Variants in SHC2 observed in about 807,000 individuals in gnomAD.
The protein encoded by SHC2 is SHC adaptor protein 2, also known as SHC-transforming protein 2.
A neutral mutation model predicts 60.6 loss-of-function variants in SHC2; 62 were observed. The observed-to-expected ratio is 1.02, with a 90% CI of 0.83 to 1.26. The LOEUF is 1.26. SHC2 is among the 50% of genes most tolerant of loss of function. The pLI is 0.00. For synonymous variants in SHC2, 375 were observed against 372.4 expected (o/e 1.01, Z -0.08); for missense variants, 873 against 822.2 (o/e 1.06, Z -0.76).
At chr19:426,381 G>A (rs1428999403) in intron 9 of SHC2, among the ~76,000 whole-genome samples, 1 of 147,702 alleles carries the variant, frequency 6.8e-6, no homozygotes, top group Non-Finnish European at 1.5e-5. Context: ...TCCGGGGAGG[G>A]AGGACGACAC....
At chr19:429,218 CCT>C (rs1286122223) in intron 9 of SHC2, among the ~76,000 whole-genome samples, 2 of 148,890 alleles carry the variant, frequency 1.3e-5, no homozygotes, top group Non-Finnish European at 3.0e-5. Flanking sequence ...TGCAGAGAAA[CCT>C]AATACCGTGT....
At position 425,274 on chromosome 19, in the gene SHC2, G is replaced by C; in HGVS notation, c.1175-43C>G. The C allele has an allele frequency of 1.5e-6, 2 of 1,307,078 alleles. No individual in the cohort carries two copies. The highest frequency in any genetic ancestry group is 2.0e-6 in the Non-Finnish European group (2 of 1,020,236). The allele number at this position is 1,307,078 out of a possible 1,614,324, so 81.0% of individuals were successfully genotyped here. ...GGGCAGGGGGTCAGCTGGGAGCCAGGCGAGGGGCTCGCAGGGAGCAAGGCG... is the reference window on the plus strand; with the variant it reads ...GGGCAGGGGGTCAGCTGGGAGCCAGCCGAGGGGCTCGCAGGGAGCAAGGCG... On this transcript the variant is annotated intron_variant, in intron 9 of 12. Coordinates refer to ENST00000264554, the MANE Select transcript of SHC2 (RefSeq NM_012435.3). This position sits in a 1 kb window ranked among gnomAD's most constrained non-coding sequence, Gnocchi z 4.1.
chr19:430,870 C>T, intron 8 of SHC2, 123 bp from the exon 9 acceptor site: 1 of 836,936 alleles, frequency 1.2e-6, no homozygotes. Flanking sequence ...GAGCACAGCC[C>T]TGGCCCTCCC....
At chr19:421,958 G>A (rs1054283400) in intron 11 of SHC2, among the ~76,000 whole-genome samples, 188 bp downstream of exon 11, 7 of 152,142 alleles carry the variant, frequency 4.6e-5, no homozygotes, top group African/African-American at 1.4e-4. Flanking sequence ...CTGGTCAAAG[G>A]CAACATCTGG....
chr19:425,305 C>T lies in SHC2; in HGVS notation c.1175-74G>A, dbSNP rs62102119. 0.11 allele frequency: 126,781 copies of T among 1,203,212 alleles called. 7,143 individuals are homozygous for T. Among genetic ancestry groups the T allele is most frequent in the Non-Finnish European group, 0.11 (108,430 of 945,568 alleles). 74.5% of individuals were successfully genotyped at this position (1,203,212 alleles called of 1,614,324 possible). ...GGCTCGCAGGGAGCAAGGCGGGGTC[C>T]CACGAGGAGCTCCCCCGGCCACCAC... On this transcript the variant is annotated intron_variant, in intron 9 of 12. Transcript: ENST00000264554. The surrounding 1 kb of genome is among the most constrained non-coding windows in gnomAD (Gnocchi z 4.1).
Position 440,594 on chromosome 19 carries a change from C to T in SHC2, c.539+268G>A, listed in dbSNP as rs951099948. Among the ~76,000 whole-genome samples, 15 of 152,218 alleles carry T rather than the reference C, an allele frequency of 9.9e-5. No homozygotes were observed. The highest frequency in any genetic ancestry group is 4.6e-4 in the Admixed American group (7 of 15,286). ...ACCCGCCAGGCCCTGCACCCCACGCCGTGCGGGGACTTGCCCAGCACCCTG... is the reference window on the plus strand; with the variant it reads ...ACCCGCCAGGCCCTGCACCCCACGCTGTGCGGGGACTTGCCCAGCACCCTG... On this transcript the variant is annotated intron_variant, in intron 2 of 12. Coordinates refer to ENST00000264554, the MANE Select transcript of SHC2 (RefSeq NM_012435.3). This position sits in a 1 kb window ranked among gnomAD's most constrained non-coding sequence, Gnocchi z 7.0.
chr19:420,566 G>A (rs1052191050), intron 11 of SHC2, among the ~76,000 whole-genome samples: 1 of 152,212 alleles, frequency 6.6e-6, no homozygotes, highest in Non-Finnish European at 1.5e-5. Context: ...TTTAGAAGCT[G>A]GAGATTACTA....
chr19:455,256 C>CGA (rs1975310641), intron 1 of SHC2, among the ~76,000 whole-genome samples: 1 of 152,170 alleles, frequency 6.6e-6, no homozygotes, highest in African/African-American at 2.4e-5. Flanking sequence ...CCAGCAGCTC[C>CGA]GAGTCAGGTC....
At chr19:443,931 T>C (rs1291710730) in intron 1 of SHC2, among the ~76,000 whole-genome samples, 1 of 133,336 alleles carries the variant, frequency 7.5e-6, no homozygotes, top group Non-Finnish European at 1.6e-5. Flanking sequence ...GATGGATGGA[T>C]GGACGGGTGA....
chr19:448,182 C>T (rs1380600206), intron 1 of SHC2, among the ~76,000 whole-genome samples: 1 of 152,234 alleles, frequency 6.6e-6, no homozygotes, highest in Admixed American at 6.5e-5. Flanking sequence ...ATAAACAGAG[C>T]TTTACGGGGG....
intron 9 of SHC2, among the ~76,000 whole-genome samples, chr19:426,427 C>CTA: frequency 1.4e-4 from 15 of 109,000 alleles, no homozygotes; most frequent in African/African-American, 5.6e-4. Context: ...AGGACGACAC[C>CTA]GAGAGGGGCA....
chr19:426,942 G>A (rs1397556601), intron 9 of SHC2, among the ~76,000 whole-genome samples: 5 of 152,184 alleles, frequency 3.3e-5, no homozygotes, highest in East Asian at 1.9e-4. Flanking sequence ...GGGCACATTT[G>A]TAGGAGTTCT....
rs1974830973 is a variant in SHC2, at chr19:440,229, T to C, written c.539+633A>G. On this transcript the variant is annotated intron_variant, in intron 2 of 12. Transcript: ENST00000264554. The surrounding 1 kb of genome is among the most constrained non-coding windows in gnomAD (Gnocchi z 7.0). The stretch of plus-strand genomic sequence containing the variant: ...CCGGGGCTGGGGAGGGGACGGGGAG[T>C]GGCTGTGATGGGGACGGGGTGTTTT... 6.8e-6 allele frequency among the ~76,000 whole-genome samples: 1 copy of C among 146,898 alleles called. No individual in the cohort carries two copies. The highest frequency in any genetic ancestry group is 2.5e-5 in the African/African-American group (1 of 39,556).
chr19:422,377 G>A lies in SHC2; in HGVS notation c.1389C>T (p.Asp463=). Residue 463 remains aspartate (D), a synonymous_variant, in exon 11 of 13, where the codon GAC becomes GAT. Transcript: ENST00000264554. The surrounding 1 kb of genome is among the most constrained non-coding windows in gnomAD (Gnocchi z 5.0). ...GVTAAPLPLE[D]QWPSPPTRRA... is the part of the protein sequence containing the mutation. ...GGCGGGTAGGGGGGCTGGGCCACTG[G>A]TCCTCCAAGGGAAGAGGGGCTGCTG... is the stretch of plus-strand genomic sequence containing the variant. The A allele has an allele frequency of 6.2e-7, 1 of 1,602,752 alleles. No individual in the cohort carries two copies. The highest frequency in any genetic ancestry group is 8.5e-7 in the Non-Finnish European group (1 of 1,175,530).
At chr19:421,703 G>C (rs1294942381) in intron 11 of SHC2, among the ~76,000 whole-genome samples, 2 of 152,116 alleles carry the variant, frequency 1.3e-5, no homozygotes, top group Admixed American at 1.3e-4. Flanking sequence ...AGGATCACTT[G>C]AGGCCAGGAG....
chr19:441,268 G>C lies in SHC2; in HGVS notation c.469-336C>G, dbSNP rs1974860478. ...ACCAGCACCGAAGCCGAGGAGCGTG[G>C]GGATGGTGCGATCCTGAGCACTTCC... On this transcript the variant is annotated intron_variant, in intron 1 of 12. Coordinates refer to ENST00000264554, the MANE Select transcript of SHC2 (RefSeq NM_012435.3). The surrounding 1 kb of genome is among the most constrained non-coding windows in gnomAD (Gnocchi z 4.9). 1 of 632,626 alleles carries C rather than the reference G, an allele frequency of 1.6e-6. No individual in the cohort carries two copies. The highest frequency in any genetic ancestry group is 7.4e-5 in the South Asian group (1 of 13,528). 39.2% of individuals were successfully genotyped at this position (632,626 alleles called of 1,614,324 possible).
chr19:435,652 C>T (rs1974697417), intron 7 of SHC2: 1 of 158,140 alleles, frequency 6.3e-6, no homozygotes, highest in Admixed American at 6.0e-5. Flanking sequence ...AGCTCACCGC[C>T]TAGATCTGTG....
chr19:419,210 C>A, intron 11 of SHC2, 154 bp from the exon 12 acceptor site: 2 of 885,654 alleles, frequency 2.3e-6, no homozygotes, highest in Non-Finnish European at 3.2e-6. Flanking sequence ...GCCAAAGGAT[C>A]GGCCTCAGAA....
At chr19:457,843 C>G (rs1270654422) in intron 1 of SHC2, among the ~76,000 whole-genome samples, 2 of 152,278 alleles carry the variant, frequency 1.3e-5, no homozygotes, top group South Asian at 2.1e-4. Flanking sequence ...CGGCGTTAAA[C>G]TTGTAGGACA....
Sources: allele counts gnomAD v4.1 joint callset (sites outside exome capture counted in the v4.1 genomes callset), GRCh38; gene constraint gnomAD v4.1.1; non-coding constraint Gnocchi (gnomAD v3.1); transcripts MANE v1.5; gene names NCBI Gene and HGNC (gene_info 2026-07-23, HGNC 2026-07-21).